Variants in LAMA3 observed in about 807,000 individuals in gnomAD.
LAMA3 encodes the protein laminin subunit alpha-3.
LAMA3 carries 281 observed loss-of-function variants against 402.0 expected under a neutral mutation model. The observed-to-expected ratio is 0.70, with a 90% CI of 0.63 to 0.77. The LOEUF (loss-of-function observed/expected upper bound fraction) is 0.77. Among genes scored for constraint, LAMA3 ranks in the 30% least tolerant of loss-of-function variants. LAMA3 has a pLI of 0.00. For synonymous variants in LAMA3, 1,431 were observed against 1,558.4 expected, an observed-to-expected ratio of 0.92 and a Z score of 1.93; for missense variants, 3,840 against 4,215.5, an observed-to-expected ratio of 0.91 and a Z score of 2.47.
At chr18:23,765,115 T>G (rs1598745463) in intron 8 of LAMA3, among the ~76,000 whole-genome samples, 1 of 152,334 alleles carries the variant, frequency 6.6e-6, no homozygotes, top group East Asian at 1.9e-4. Context: ...CATATTTTTA[T>G]GACTTTTACC....
chr18:23,894,412 C>A, intron 43 of LAMA3, 64 bp downstream of exon 43: 1 of 1,372,392 alleles, frequency 7.3e-7, no homozygotes. Context: ...GATATGTGAG[C>A]ACCATGCTGG....
At chr18:23,724,277 G>A (rs1264070337) in intron 2 of LAMA3, among the ~76,000 whole-genome samples, 1 of 152,128 alleles carries the variant, frequency 6.6e-6, no homozygotes, top group Non-Finnish European at 1.5e-5. Context: ...TCTACAATGA[G>A]CATGTATTAC....
intron 12 of LAMA3, among the ~76,000 whole-genome samples, chr18:23,795,396 A>G (rs756167749): frequency 8.5e-5 from 13 of 152,252 alleles, no homozygotes; most frequent in Non-Finnish European, 1.5e-4. Context: ...GTAAATGGGC[A>G]TTTATAGTGA....
At chr18:23,808,897 C>G (rs933363559) in intron 12 of LAMA3, among the ~76,000 whole-genome samples, 17 of 152,290 alleles carry the variant, frequency 1.1e-4, no homozygotes, top group African/African-American at 4.1e-4. Context: ...AGAACTGGGG[C>G]TTTACCTTAT....
chr18:23,916,635 C>T lies in LAMA3; in HGVS notation c.7863C>T (p.Thr2621=), dbSNP rs1300730772. ...VPTQPHAPIP[T]FGQTIQTTVD... ...CTCAACCACATGCTCCCATCCCAAC[C>T]TTTGGACAGACAATTCAGACCACCG... Residue 2621 remains threonine (T), a synonymous_variant, in exon 60 of 75, where the codon ACC becomes ACT. Transcript: ENST00000313654. The T allele has an allele frequency of 6.2e-7, 1 of 1,614,172 alleles. No homozygotes were observed. The highest frequency in any genetic ancestry group is 2.2e-5 in the East Asian group (1 of 44,880).
At chr18:23,706,444 C>A (rs1568096786) in intron 1 of LAMA3, among the ~76,000 whole-genome samples, 1 of 152,158 alleles carries the variant, frequency 6.6e-6, no homozygotes, top group Non-Finnish European at 1.5e-5. Flanking sequence ...CCTACTATGT[C>A]TTTTCTAACT....
intron 2 of LAMA3, among the ~76,000 whole-genome samples, chr18:23,744,440 T>C (rs553550181): frequency 2.6e-5 from 4 of 152,168 alleles, no homozygotes; most frequent in African/African-American, 9.7e-5. Context: ...GTGCCATCAG[T>C]GGACTTATTA....
intron 34 of LAMA3, 151 bp from the exon 35 acceptor site, chr18:23,861,495 C>A: frequency 1.3e-6 from 1 of 793,146 alleles, no homozygotes; most frequent in East Asian, 2.7e-5. Context: ...GGCTCTGGCT[C>A]GGGAGGGCAG....
At chr18:23,729,969 T>C (rs532271317) in intron 2 of LAMA3, among the ~76,000 whole-genome samples, 2 of 152,372 alleles carry the variant, frequency 1.3e-5, no homozygotes, top group South Asian at 4.1e-4. Context: ...TCTCGCAGGA[T>C]GCTGTCATGA....
At chr18:23,740,688 T>A (rs535430649) in intron 2 of LAMA3, among the ~76,000 whole-genome samples, 7 of 152,272 alleles carry the variant, frequency 4.6e-5, no homozygotes, top group African/African-American at 1.7e-4. Flanking sequence ...AGAGTAGACA[T>A]CTGTGCTACT....
intron 37 of LAMA3, among the ~76,000 whole-genome samples, chr18:23,869,805 A>G (rs1206895527): frequency 6.6e-6 from 1 of 152,222 alleles, no homozygotes; most frequent in African/African-American, 2.4e-5. Context: ...GCAATGGCTC[A>G]CGCCTGTAAT....
intron 3 of LAMA3, among the ~76,000 whole-genome samples, chr18:23,748,420 CAAAAA>C (rs749355061): frequency 0.011 from 953 of 88,298 alleles, 9 homozygotes; most frequent in African/African-American, 0.034. Flanking sequence ...GACTCTGTCT[CAAAAA>C]AAAAAAAAAA....
intron 12 of LAMA3, among the ~76,000 whole-genome samples, chr18:23,806,181 A>G (rs2062958936): frequency 6.6e-6 from 1 of 152,182 alleles, no homozygotes; most frequent in East Asian, 1.9e-4. Flanking sequence ...GTTTATTGCC[A>G]CCACTTGGCT....
intron 3 of LAMA3, 138 bp downstream of exon 3, chr18:23,748,198 G>A (rs144803424): frequency 7.2e-6 from 5 of 697,028 alleles, no homozygotes; most frequent in African/African-American, 3.5e-5. Context: ...GAAGGCCAAG[G>A]CGGGTGGATT....
chr18:23,867,552 C>CAAAAAAAAAAA (rs60964764), intron 36 of LAMA3, among the ~76,000 whole-genome samples: 1 of 96,362 alleles, frequency 1.0e-5, no homozygotes, highest in African/African-American at 4.0e-5. Flanking sequence ...CCATCCCTGC[C>CAAAAAAAAAAA]AAAAAAAAAA....
intron 21 of LAMA3, among the ~76,000 whole-genome samples, chr18:23,824,982 T>C (rs766927008): frequency 7.2e-5 from 11 of 152,172 alleles, no homozygotes; most frequent in African/African-American, 2.7e-4. Flanking sequence ...ACCTGGTTAT[T>C]GTCTACACTG....
intron 2 of LAMA3, among the ~76,000 whole-genome samples, chr18:23,744,844 A>AG (rs1297248481): frequency 1.3e-5 from 2 of 151,128 alleles, no homozygotes; most frequent in African/African-American, 4.9e-5. Context: ...AAAAAAAAAA[A>AG]AAAAAAAAAA....
chr18:23,931,932 C>A (rs2145404541), intron 65 of LAMA3, among the ~76,000 whole-genome samples: 1 of 152,350 alleles, frequency 6.6e-6, no homozygotes, highest in East Asian at 1.9e-4. Flanking sequence ...ATAACACAGT[C>A]TTTCAAAACG....
chr18:23,782,370 A>G (rs1332236143), intron 11 of LAMA3, among the ~76,000 whole-genome samples: 1 of 152,068 alleles, frequency 6.6e-6, no homozygotes, highest in East Asian at 1.9e-4. Context: ...AGCCTGGCCA[A>G]CATGGTGAAA....
Sources: allele counts gnomAD v4.1 joint callset (sites outside exome capture counted in the v4.1 genomes callset), GRCh38; gene constraint gnomAD v4.1.1; transcripts MANE v1.5; gene names NCBI Gene and HGNC (gene_info 2026-07-23, HGNC 2026-07-21).